HS3ST5: variants seen among roughly 807,000 people sequenced by gnomAD.
HS3ST5 encodes the protein heparan sulfate glucosamine 3-O-sulfotransferase 5.
Under a neutral mutation model 25.4 loss-of-function variants are expected in HS3ST5, and 10 were observed. That is an observed-to-expected ratio of 0.39 (90% confidence interval 0.24 to 0.67). The LOEUF (loss-of-function observed/expected upper bound fraction) is 0.67. Among genes scored for constraint, HS3ST5 ranks in the 30% least tolerant of loss-of-function variants. The pLI is 0.44. For missense variants in HS3ST5, 324 were observed against 420.7 expected (o/e 0.77, Z 2.01); for synonymous variants, 170 against 162.4 (o/e 1.05, Z -0.36).
chr6:114,244,152 C>T (rs561192968), intron 1 of HS3ST5, among the ~76,000 whole-genome samples: 1 of 152,280 alleles, frequency 6.6e-6, no homozygotes, highest in Non-Finnish European at 1.5e-5. Context: ...GCAGGTTTTG[C>T]TATCTGAATT....
At chr6:114,306,555 T>C (rs1324915588) in intron 1 of HS3ST5, among the ~76,000 whole-genome samples, 1 of 151,996 alleles carries the variant, frequency 6.6e-6, no homozygotes, top group Non-Finnish European at 1.5e-5. Flanking sequence ...AGTGTTTCTA[T>C]ATTTTAGCTG....
intron 3 of HS3ST5, among the ~76,000 whole-genome samples, chr6:114,150,794 T>C (rs934147132): frequency 1.3e-5 from 2 of 152,262 alleles, no homozygotes; most frequent in Non-Finnish European, 2.9e-5. Context: ...CATATTTATT[T>C]ATTCACTGCA....
chr6:114,250,478 G>A (rs531318304), intron 1 of HS3ST5, among the ~76,000 whole-genome samples: 17 of 152,096 alleles, frequency 1.1e-4, no homozygotes, highest in African/African-American at 3.6e-4. Context: ...CTACTCGGGA[G>A]GCTGAGGCAG....
At position 114,240,106 on chromosome 6, in the gene HS3ST5, G is replaced by C. The variant is rs1036321181; in HGVS notation, c.-338-11328C>G. 2.8e-4 allele frequency among the ~76,000 whole-genome samples: 42 copies of C among 151,794 alleles called. 1 individual carries two copies. The highest frequency in any genetic ancestry group is 4.2e-4 in the South Asian group (2 of 4,804). On this transcript the variant is annotated intron_variant, in intron 1 of 4. Transcript: ENST00000312719. ...TGACTTTAACTACTATTTAACGAAG[G>C]CTCTCCCTTTTCACAGGACCATTCT...
At chr6:114,176,966 C>A (rs563183984) in intron 2 of HS3ST5, among the ~76,000 whole-genome samples, 5 of 152,136 alleles carry the variant, frequency 3.3e-5, no homozygotes, top group African/African-American at 1.2e-4. Context: ...AACTCCCTAC[C>A]CATTTCCTGT....
At chr6:114,240,227 G>A (rs925094396) in intron 1 of HS3ST5, among the ~76,000 whole-genome samples, 6 of 152,116 alleles carry the variant, frequency 3.9e-5, no homozygotes, top group South Asian at 4.1e-4. Context: ...TGGGGCAAAG[G>A]GTGGTGGTAG....
At chr6:114,174,661 G>A (rs1487094848) in intron 2 of HS3ST5, among the ~76,000 whole-genome samples, 19 of 152,076 alleles carry the variant, frequency 1.2e-4, no homozygotes, top group Admixed American at 1.2e-3. Flanking sequence ...CAAGTTTCTC[G>A]TTTTGGTTTA....
intron 2 of HS3ST5, among the ~76,000 whole-genome samples, chr6:114,197,860 G>A (rs1041478904): frequency 1.3e-5 from 2 of 152,130 alleles, no homozygotes; most frequent in African/African-American, 4.8e-5. Flanking sequence ...ATCAGCACAA[G>A]AACTCCAGCA....
chr6:114,256,230 C>T (rs184952751), intron 1 of HS3ST5, among the ~76,000 whole-genome samples: 3 of 151,838 alleles, frequency 2.0e-5, no homozygotes, highest in East Asian at 3.9e-4. Flanking sequence ...CTACTAAAAA[C>T]ACAAAAAATT....
chr6:114,086,351 G>A (rs1156380295), intron 3 of HS3ST5, among the ~76,000 whole-genome samples: 1 of 152,194 alleles, frequency 6.6e-6, no homozygotes, highest in East Asian at 1.9e-4. Context: ...GATTAACATA[G>A]TGTTGCTAGT....
chr6:114,275,906 G>A (rs1452775470), intron 1 of HS3ST5, among the ~76,000 whole-genome samples: 1 of 151,950 alleles, frequency 6.6e-6, no homozygotes, highest in African/African-American at 2.4e-5. Flanking sequence ...TGACTTCTGT[G>A]ATAGGAAAAA....
chr6:114,301,927 T>G (rs1775092412), intron 1 of HS3ST5, among the ~76,000 whole-genome samples: 1 of 152,202 alleles, frequency 6.6e-6, no homozygotes, highest in Non-Finnish European at 1.5e-5. Flanking sequence ...CATGAATAAC[T>G]GCAAGTTGAT....
intron 2 of HS3ST5, among the ~76,000 whole-genome samples, chr6:114,175,833 G>A (rs1365633097): frequency 4.6e-5 from 7 of 152,172 alleles, no homozygotes; most frequent in Admixed American, 3.3e-4. Context: ...TGGTTTTACA[G>A]ATTAGTGCTA....
intron 1 of HS3ST5, among the ~76,000 whole-genome samples, chr6:114,308,361 A>T (rs1221065435): frequency 6.6e-6 from 1 of 152,136 alleles, no homozygotes; most frequent in Non-Finnish European, 1.5e-5. Flanking sequence ...CGAGGCGGGC[A>T]GATCACGAGG....
At chr6:114,298,997 G>A (rs1774950316) in intron 1 of HS3ST5, among the ~76,000 whole-genome samples, 1 of 152,192 alleles carries the variant, frequency 6.6e-6, no homozygotes, top group African/African-American at 2.4e-5. Flanking sequence ...GCAATGTTCA[G>A]GGAACAAGAG....
rs569548615 is a variant in HS3ST5, at chr6:114,193,237, C to CACAG, written c.-144-24779_-144-24776dup. On this transcript the variant is annotated intron_variant, in intron 2 of 4. Coordinates refer to ENST00000312719, the MANE Select transcript of HS3ST5 (RefSeq NM_153612.4). ...TGGAAGACAAACATATGAACAAACACACAGACAGACAGACACACACACAGT... is the reference window on the plus strand; with the variant it reads ...TGGAAGACAAACATATGAACAAACACACAGACAGACAGACAGACACACACACAGT... Among the ~76,000 whole-genome samples, 11 of 152,262 alleles carry CACAG rather than the reference C, an allele frequency of 7.2e-5. 1 individual carries two copies. In the South Asian group the frequency reaches 2.1e-3, roughly 29 times the overall value.
chr6:114,111,865 C>T (rs548089209), intron 3 of HS3ST5, among the ~76,000 whole-genome samples: 1 of 152,250 alleles, frequency 6.6e-6, no homozygotes, highest in African/African-American at 2.4e-5. Flanking sequence ...AAACCTCCTG[C>T]CTCAACCGTC....
chr6:114,148,584 G>A (rs1397974854), intron 3 of HS3ST5, among the ~76,000 whole-genome samples: 2 of 152,142 alleles, frequency 1.3e-5, no homozygotes, highest in African/African-American at 2.4e-5. Context: ...TCGCGCCACT[G>A]TACTCCATCC....
At chr6:114,255,835 ATT>A (rs1358196499) in intron 1 of HS3ST5, among the ~76,000 whole-genome samples, 2 of 151,418 alleles carry the variant, frequency 1.3e-5, no homozygotes, top group African/African-American at 4.9e-5. Flanking sequence ...GCACAAAATC[ATT>A]TTTTCCTCCT....
Sources: allele counts gnomAD v4.1 joint callset (sites outside exome capture counted in the v4.1 genomes callset), GRCh38; gene constraint gnomAD v4.1.1; transcripts MANE v1.5; gene names NCBI Gene and HGNC (gene_info 2026-07-23, HGNC 2026-07-21).